NRG3: variants seen among roughly 807,000 people sequenced by gnomAD.
The protein encoded by NRG3 is pro-neuregulin-3, membrane-bound isoform.
In NRG3, 31 loss-of-function variants were observed where a neutral mutation model predicts 66.9. The ratio of observed to expected loss-of-function variants is 0.46; its 90% CI spans 0.35 to 0.63. The LOEUF (loss-of-function observed/expected upper bound fraction) is 0.63, where lower values mean the gene tolerates loss of function less well. Ranked by LOEUF, NRG3 falls within the 20% of genes least tolerant of loss-of-function variation. The probability of loss-of-function intolerance (pLI) is 0.00; values close to 1 mark genes in which losing one functional copy is unlikely to be tolerated. For synonymous variants in NRG3, 393 were observed against 359.4 expected (o/e 1.09, Z -1.06); for missense variants, 910 against 878.9 (o/e 1.04, Z -0.45).
intron 1 of NRG3, among the ~76,000 whole-genome samples, chr10:81,967,761 A>T (rs2133341275): frequency 6.6e-6 from 1 of 152,206 alleles, no homozygotes; most frequent in South Asian, 2.1e-4. Flanking sequence ...ATGTTGTTTA[A>T]ATGGAATAGC....
rs148582121 is a variant in NRG3, at chr10:82,802,043, G to C, written c.1028-63368G>C. Reference sequence around the variant, plus strand: ...CCACCATTAGTTACCCATTTAATTTGTTTCAAATAGCATGTGAAAAACAGC... The same window carrying C: ...CCACCATTAGTTACCCATTTAATTTCTTTCAAATAGCATGTGAAAAACAGC... On this transcript the variant is annotated intron_variant, in intron 3 of 8. Transcript: ENST00000372141. 4.2e-4 allele frequency among the ~76,000 whole-genome samples: 64 copies of C among 152,332 alleles called. 1 individual carries two copies. In the East Asian group the frequency reaches 8.7e-3, roughly 21 times the overall value.
At chr10:82,559,296 C>A (rs574440705) in intron 2 of NRG3, among the ~76,000 whole-genome samples, 1 of 152,162 alleles carries the variant, frequency 6.6e-6, no homozygotes, top group South Asian at 2.1e-4. Flanking sequence ...ATTACCTACA[C>A]AAGATAAAGG....
intron 1 of NRG3, among the ~76,000 whole-genome samples, chr10:81,887,436 T>C (rs566021967): frequency 2.0e-5 from 3 of 152,156 alleles, no homozygotes; most frequent in Non-Finnish European, 2.9e-5. Context: ...ATTAATCAAC[T>C]ATCTGATCTA....
chr10:82,699,731 C>G (rs2055704156), intron 2 of NRG3, among the ~76,000 whole-genome samples: 1 of 152,072 alleles, frequency 6.6e-6, no homozygotes, highest in African/African-American at 2.4e-5. Flanking sequence ...TTTGCCTTCT[C>G]TCCCACCCCT....
rs368132655 is a variant in NRG3 at position 82,221,237 on chromosome 10, CA to C, written c.824-137491del. Reference sequence around the variant, plus strand: ...TTTTAATTTGAGTTTCACTCACTGCCAAAAAAAAAAATTGGCAAGACAGAGA... The same window carrying C: ...TTTTAATTTGAGTTTCACTCACTGCCAAAAAAAAAATTGGCAAGACAGAGA... On this transcript the variant is annotated intron_variant, in intron 1 of 8. Transcript: ENST00000372141. Among the ~76,000 whole-genome samples the C allele has an allele frequency of 7.4e-3, 880 of 118,152 alleles. 6 individuals carry two copies. The highest frequency in any genetic ancestry group is 0.023 in the African/African-American group (798 of 34,058). The allele number at this position is 118,152 out of a possible 152,430, so 77.5% of individuals were successfully genotyped here.
At chr10:82,802,816 C>A (rs1340948628) in intron 3 of NRG3, among the ~76,000 whole-genome samples, 1 of 151,908 alleles carries the variant, frequency 6.6e-6, no homozygotes, top group African/African-American at 2.4e-5. Context: ...CCAAGCCCAG[C>A]TAATTTTCGG....
At chr10:82,839,254 G>C (rs372292994) in intron 3 of NRG3, among the ~76,000 whole-genome samples, 2 of 152,172 alleles carry the variant, frequency 1.3e-5, no homozygotes, top group East Asian at 3.9e-4. Flanking sequence ...TCTTAAAATG[G>C]TTATAGGATA....
At chr10:82,316,644 G>C (rs749088436) in intron 1 of NRG3, among the ~76,000 whole-genome samples, 1 of 152,122 alleles carries the variant, frequency 6.6e-6, no homozygotes, top group Non-Finnish European at 1.5e-5. Flanking sequence ...GCTCCATTTT[G>C]TCTGACAGAA....
At chr10:82,058,701 C>T (rs2180190) in intron 1 of NRG3, among the ~76,000 whole-genome samples, 151,286 of 152,168 alleles carry the variant, frequency 0.99, 75,205 homozygotes, top group East Asian at 1. Context: ...GGTGTTTTTT[C>T]CTAAGGAAAC....
intron 3 of NRG3, chr10:82,827,204 TAAAAAAAAAAAAAAA>T: frequency 2.6e-5 from 5 of 190,498 alleles, no homozygotes; most frequent in South Asian, 4.2e-5. Flanking sequence ...TACCAAATTG[TAAAAAAAAAAAAAAA>T]AAAAAAAAAA....
At chr10:82,150,187 C>T (rs1159766116) in intron 1 of NRG3, among the ~76,000 whole-genome samples, 1 of 152,142 alleles carries the variant, frequency 6.6e-6, no homozygotes. Flanking sequence ...TTTGATGGAT[C>T]AGAGGCTAGG....
At chr10:81,959,632 A>G (rs1157760901) in intron 1 of NRG3, among the ~76,000 whole-genome samples, 7 of 151,988 alleles carry the variant, frequency 4.6e-5, no homozygotes, top group Non-Finnish European at 1.0e-4. Flanking sequence ...TTGTTAAAAT[A>G]TATTGCAAAT....
intron 1 of NRG3, among the ~76,000 whole-genome samples, chr10:81,953,760 C>A (rs1035022826): frequency 6.6e-6 from 1 of 152,092 alleles, no homozygotes; most frequent in African/African-American, 2.4e-5. Flanking sequence ...TTTGATGACT[C>A]CAGTCTCAAA....
At chr10:82,419,397 A>G (rs532464050) in intron 2 of NRG3, among the ~76,000 whole-genome samples, 1 of 152,322 alleles carries the variant, frequency 6.6e-6, no homozygotes, top group African/African-American at 2.4e-5. Context: ...TTTCTTGATC[A>G]CTTGTCTAAA....
At chr10:82,115,065 C>G (rs1294115189) in intron 1 of NRG3, among the ~76,000 whole-genome samples, 1 of 152,096 alleles carries the variant, frequency 6.6e-6, no homozygotes, top group East Asian at 1.9e-4. Context: ...AAAAATGAGT[C>G]AAGACCTGAT....
intron 2 of NRG3, among the ~76,000 whole-genome samples, chr10:82,641,996 T>C (rs1303357723): frequency 1.3e-5 from 2 of 152,084 alleles, no homozygotes; most frequent in African/African-American, 4.8e-5. Context: ...CCTTTCCAAG[T>C]CCCTATTGTT....
chr10:82,929,036 T>C (rs1390259746), intron 4 of NRG3, among the ~76,000 whole-genome samples: 2 of 152,176 alleles, frequency 1.3e-5, no homozygotes, highest in African/African-American at 4.8e-5. Flanking sequence ...TGTCTCAGAA[T>C]CATCAACAAA....
At chr10:82,484,138 C>A (rs1399109796) in intron 2 of NRG3, among the ~76,000 whole-genome samples, 5 of 152,196 alleles carry the variant, frequency 3.3e-5, no homozygotes. Flanking sequence ...TGCCCATTCC[C>A]ACCTGGACTG....
intron 2 of NRG3, among the ~76,000 whole-genome samples, chr10:82,518,559 A>G (rs1482778469): frequency 2.0e-5 from 3 of 152,168 alleles, no homozygotes; most frequent in Non-Finnish European, 4.4e-5. Context: ...TAAAAGTTAC[A>G]TTTTCTTTAA....
Sources: gnomAD v4.1 joint callset for allele counts (sites outside exome capture counted in the v4.1 genomes callset) on GRCh38, gnomAD v4.1.1 for gene constraint, MANE v1.5 for transcripts, NCBI Gene and HGNC (gene_info 2026-07-23, HGNC 2026-07-21) for gene names.